DRD3: variants seen among roughly 807,000 people sequenced by gnomAD.
DRD3 encodes dopamine receptor D3.
Under a neutral mutation model 36.3 loss-of-function variants are expected in DRD3, and 19 were observed. The observed-to-expected ratio is 0.52, with a 90% CI of 0.36 to 0.77. DRD3 has a LOEUF of 0.77. Among genes scored for constraint, DRD3 ranks in the 30% least tolerant of loss-of-function variants. DRD3 has a pLI of 0.00. For missense variants in DRD3, 465 were observed against 505.3 expected, an observed-to-expected ratio of 0.92 and a Z score of 0.77; for synonymous variants, 195 against 203.7, an observed-to-expected ratio of 0.96 and a Z score of 0.36.
At chr3:114,187,959 C>T (rs1392785687) in intron 1 of DRD3, among the ~76,000 whole-genome samples, 2 of 152,054 alleles carry the variant, frequency 1.3e-5, no homozygotes, top group Non-Finnish European at 2.9e-5. Flanking sequence ...CTAGATAATT[C>T]AACACAATCA....
chr3:114,171,809 T>C lies in DRD3; in HGVS notation c.184A>G (p.Thr62Ala). ...MAVLKERALQTTTNYLVVSLA... is the reference protein window; with the variant it reads ...MAVLKERALQATTNYLVVSLA... ...CTCACTACTAAGTAGTTGGTGGTAG[T>C]CTGCAGGGCCCGCTCCTTCAGCACA... is the stretch of plus-strand genomic sequence containing the variant. Residue 62 changes from threonine to alanine, a missense_variant, in exon 2 of 7, where the codon ACT becomes GCT. Coordinates refer to ENST00000383673, the MANE Select transcript of DRD3 (RefSeq NM_000796.6). The C allele has an allele frequency of 6.2e-7, 1 of 1,614,084 alleles. No individual in the cohort carries two copies.
chr3:114,182,060 C>T (rs533576135), upstream of DRD3, among the ~76,000 whole-genome samples: 1 of 152,262 alleles, frequency 6.6e-6, no homozygotes, highest in Middle Eastern at 3.4e-3. Context: ...TGATCTTAAA[C>T]TGCATGATAC....
At chr3:114,191,230 A>T (rs2078009258) in intron 1 of DRD3, among the ~76,000 whole-genome samples, 1 of 152,252 alleles carries the variant, frequency 6.6e-6, no homozygotes, top group South Asian at 2.1e-4. Context: ...ATAATGGTGA[A>T]CATTATGCAG....
chr3:114,184,703 C>T (rs1228719621), intron 1 of DRD3, among the ~76,000 whole-genome samples: 1 of 151,560 alleles, frequency 6.6e-6, no homozygotes, highest in African/African-American at 2.4e-5. Flanking sequence ...GCTGGGACTA[C>T]AGGTGCATGT....
At chr3:114,192,886 C>A (rs751808941) in intron 1 of DRD3, among the ~76,000 whole-genome samples, 1 of 152,126 alleles carries the variant, frequency 6.6e-6, no homozygotes, top group South Asian at 2.1e-4. Context: ...TTCTGTTGAA[C>A]TTAATATTTA....
chr3:114,193,329 AC>A (rs1167452716), intron 1 of DRD3, among the ~76,000 whole-genome samples: 1 of 152,144 alleles, frequency 6.6e-6, no homozygotes, highest in Admixed American at 6.5e-5. Flanking sequence ...AACTTTCATA[AC>A]ATATAGTTTG....
chr3:114,146,450 G>C (rs964505412), intron 4 of DRD3, among the ~76,000 whole-genome samples: 1 of 152,066 alleles, frequency 6.6e-6, no homozygotes, highest in East Asian at 1.9e-4. Context: ...GAACGCGGTG[G>C]CTCACACTTG....
chr3:114,155,122 A>G (rs1031933452), intron 3 of DRD3, among the ~76,000 whole-genome samples: 2 of 152,154 alleles, frequency 1.3e-5, no homozygotes, highest in South Asian at 4.1e-4. Context: ...TACTGAATCC[A>G]TTTGGTTAAG....
intron 2 of DRD3, among the ~76,000 whole-genome samples, chr3:114,160,193 T>C (rs180818703): frequency 2.0e-5 from 3 of 152,380 alleles, no homozygotes; most frequent in Admixed American, 1.3e-4. Context: ...CTATACCTAC[T>C]GAGTCAGAAT....
upstream of DRD3, among the ~76,000 whole-genome samples, chr3:114,181,203 ACT>A (rs1406617983): frequency 2.6e-5 from 4 of 152,270 alleles, no homozygotes; most frequent in East Asian, 7.7e-4. Flanking sequence ...AGTGATATAG[ACT>A]CTAATTCTGT....
chr3:114,170,108 A>C (rs1478679372), intron 2 of DRD3, among the ~76,000 whole-genome samples: 2 of 152,204 alleles, frequency 1.3e-5, no homozygotes, highest in Admixed American at 6.5e-5. Context: ...GGCTGGTTGC[A>C]CCTAAAGCGC....
At chr3:114,173,501 C>T (rs562524667) in intron 1 of DRD3, among the ~76,000 whole-genome samples, 88 of 152,216 alleles carry the variant, frequency 5.8e-4, no homozygotes, top group African/African-American at 1.9e-3. Flanking sequence ...CTCACTCTGA[C>T]GGGAGACTGT....
upstream of DRD3, among the ~76,000 whole-genome samples, chr3:114,181,660 C>T (rs1196996755): frequency 6.6e-6 from 1 of 152,140 alleles, no homozygotes; most frequent in East Asian, 1.9e-4. Context: ...TAGCCAATGG[C>T]CCTTCATCAG....
chr3:114,128,628 T>C lies in DRD3; in HGVS notation c.*88A>G. 7.6e-7 allele frequency: 1 copy of C among 1,317,732 alleles called. No individual in the cohort carries two copies. Among genetic ancestry groups the C allele is most frequent in the Non-Finnish European group, 1.0e-6 (1 of 986,670 alleles). The allele number at this position is 1,317,732 out of a possible 1,614,324, so 81.6% of individuals were successfully genotyped here. On this transcript the variant is annotated 3_prime_UTR_variant, in exon 7 of 7. Transcript: ENST00000383673. ...CTCCAGGAATCTTCTTCCTACTGCA[T>C]GCCGGAGGACACTGCACAGTCTTTC...
chr3:114,151,829 C>T (rs1000838702), intron 3 of DRD3, among the ~76,000 whole-genome samples: 4 of 152,232 alleles, frequency 2.6e-5, no homozygotes, highest in South Asian at 2.1e-4. Context: ...AGGGCATCGA[C>T]AGCTCTCTGA....
intron 1 of DRD3, among the ~76,000 whole-genome samples, chr3:114,187,513 T>C (rs1476848685): frequency 6.6e-6 from 1 of 152,228 alleles, no homozygotes; most frequent in East Asian, 1.9e-4. Context: ...CTTTTGTTGC[T>C]TCCACAACTC....
intron 1 of DRD3, among the ~76,000 whole-genome samples, chr3:114,188,729 C>T (rs1231878891): frequency 6.6e-6 from 1 of 152,166 alleles, no homozygotes; most frequent in African/African-American, 2.4e-5. Flanking sequence ...CATGTCCATA[C>T]TTGAATCAAT....
intron 1 of DRD3, among the ~76,000 whole-genome samples, chr3:114,187,420 A>C (rs910642165): frequency 2.0e-5 from 3 of 152,206 alleles, no homozygotes; most frequent in Non-Finnish European, 4.4e-5. Context: ...ACACTGTCTA[A>C]TCTTCAAAAG....
chr3:114,141,125 A>G (rs1217970328), intron 4 of DRD3, among the ~76,000 whole-genome samples: 1 of 152,182 alleles, frequency 6.6e-6, no homozygotes, highest in Non-Finnish European at 1.5e-5. Flanking sequence ...TCCATCTCCC[A>G]GGTTCAAGCG....
Sources: allele counts gnomAD v4.1 joint callset (sites outside exome capture counted in the v4.1 genomes callset), GRCh38; gene constraint gnomAD v4.1.1; transcripts MANE v1.5; gene names NCBI Gene and HGNC (gene_info 2026-07-23, HGNC 2026-07-21).